The following RBFOX1 variants were observed in gnomAD, a reference collection of about 807,000 sequenced individuals.
The protein encoded by RBFOX1 is RNA binding protein fox-1 homolog 1.
A neutral mutation model predicts 57.7 loss-of-function variants in RBFOX1; 8 were observed. The ratio of observed to expected loss-of-function variants is 0.14; its 90% confidence interval spans 0.08 to 0.25. The LOEUF (loss-of-function observed/expected upper bound fraction) is 0.25, where lower values mean the gene tolerates loss of function less well. Ranked by LOEUF, RBFOX1 falls within the 10% of genes least tolerant of loss-of-function variation. The probability of loss-of-function intolerance (pLI) is 1.00; values close to 1 mark genes in which losing one functional copy is unlikely to be tolerated. For synonymous variants in RBFOX1, 326 were observed against 222.4 expected, an observed-to-expected ratio of 1.47 and a Z score of -4.15; for missense variants, 611 against 548.5, an observed-to-expected ratio of 1.11 and a Z score of -1.14.
At chr16:6,961,120 G>A (rs569911862) in intron 3 of RBFOX1, among the ~76,000 whole-genome samples, 3 of 72,894 alleles carry the variant, frequency 4.1e-5, no homozygotes, top group Non-Finnish European at 9.1e-5. Flanking sequence ...TCCAGCCTGG[G>A]CAATAGAGAC....
At chr16:6,305,881 C>T (rs1379076773) in intron 1 of RBFOX1, among the ~76,000 whole-genome samples, 1 of 151,938 alleles carries the variant, frequency 6.6e-6, no homozygotes, top group African/African-American at 2.4e-5. Context: ...CATGGTCTGT[C>T]CTCTAACTGA....
At chr16:5,916,286 C>G (rs909839591) in intron 4 of RBFOX1, among the ~76,000 whole-genome samples, 1 of 152,160 alleles carries the variant, frequency 6.6e-6, no homozygotes, top group Admixed American at 6.5e-5. Context: ...TCGGATTATT[C>G]TTAATTCCCC....
chr16:7,077,545 C>T (rs1310599998), intron 4 of RBFOX1, among the ~76,000 whole-genome samples: 1 of 152,176 alleles, frequency 6.6e-6, no homozygotes, highest in Admixed American at 6.5e-5. Flanking sequence ...TATTTGCAGC[C>T]TGTCATCATA....
At chr16:5,917,038 G>C (rs760224920) in intron 4 of RBFOX1, among the ~76,000 whole-genome samples, 1 of 152,134 alleles carries the variant, frequency 6.6e-6, no homozygotes, top group Non-Finnish European at 1.5e-5. Flanking sequence ...CTTCCACTGA[G>C]TCGCCCTTTC....
At chr16:7,551,120 A>G (rs962235806) in intron 5 of RBFOX1, among the ~76,000 whole-genome samples, 1 of 151,418 alleles carries the variant, frequency 6.6e-6, no homozygotes, top group Non-Finnish European at 1.5e-5. Flanking sequence ...AAAAAAGAAT[A>G]TTTACAGGAC....
intron 4 of RBFOX1, among the ~76,000 whole-genome samples, chr16:7,363,619 G>A (rs2146824767): frequency 6.6e-6 from 1 of 152,282 alleles, no homozygotes; most frequent in South Asian, 2.1e-4. Context: ...GTCATCATGA[G>A]TTCACAGAAC....
chr16:6,984,623 A>G (rs1166118076), intron 3 of RBFOX1, among the ~76,000 whole-genome samples: 2 of 152,070 alleles, frequency 1.3e-5, no homozygotes, highest in Non-Finnish European at 2.9e-5. Context: ...CAGTGAGTTT[A>G]CCACATGCCT....
intron 4 of RBFOX1, among the ~76,000 whole-genome samples, chr16:7,443,096 C>G (rs2098781847): frequency 6.6e-6 from 1 of 152,210 alleles, no homozygotes; most frequent in Non-Finnish European, 1.5e-5. Flanking sequence ...CGAGAACACT[C>G]TTACCAAGGA....
chr16:5,686,874 G>T (rs1052668869), intron 3 of RBFOX1, among the ~76,000 whole-genome samples: 1 of 152,172 alleles, frequency 6.6e-6, no homozygotes, highest in Non-Finnish European at 1.5e-5. Flanking sequence ...AATAACTACT[G>T]TTGAAAAAGG....
intron 1 of RBFOX1, among the ~76,000 whole-genome samples, chr16:6,041,140 G>T (rs2095432255): frequency 6.6e-6 from 1 of 152,060 alleles, no homozygotes; most frequent in Non-Finnish European, 1.5e-5. Flanking sequence ...CAGGTTCCTG[G>T]CAACCACTCA....
chr16:7,655,778 C>T lies in RBFOX1; in HGVS notation c.890+1831C>T, dbSNP rs972618772. ...TTTAGTATATCTACCATCAGTATCTCACTACTATATTGAAGAGCAAAAGAA... is the reference window on the plus strand; with the variant it reads ...TTTAGTATATCTACCATCAGTATCTTACTACTATATTGAAGAGCAAAAGAA... On this transcript the variant is annotated intron_variant, in intron 12 of 15. Transcript: ENST00000550418. Among the ~76,000 whole-genome samples the T allele has an allele frequency of 4.6e-5, 7 of 152,124 alleles. No individual in the cohort carries two copies. The South Asian group carries it at 1.5e-3, about 32-fold the overall frequency.
intron 3 of RBFOX1, among the ~76,000 whole-genome samples, chr16:5,742,660 A>G (rs1224344714): frequency 6.6e-6 from 1 of 152,252 alleles, no homozygotes; most frequent in East Asian, 1.9e-4. Flanking sequence ...ACTAGGCATA[A>G]CAGAGTACTG....
intron 1 of RBFOX1, among the ~76,000 whole-genome samples, chr16:6,196,252 G>C (rs1159259645): frequency 2.6e-5 from 4 of 152,154 alleles, no homozygotes; most frequent in African/African-American, 9.7e-5. Context: ...GGATTCCTAA[G>C]CTCGTGCTTT....
chr16:5,943,916 C>G (rs2059333401), intron 4 of RBFOX1, among the ~76,000 whole-genome samples: 1 of 151,810 alleles, frequency 6.6e-6, no homozygotes, highest in Non-Finnish European at 1.5e-5. Flanking sequence ...CATCCATCCA[C>G]TCCTCCTCTG....
chr16:7,265,490 C>A lies in RBFOX1; in HGVS notation c.27+213392C>A, dbSNP rs145597375. ...TTTAGATGTAGTCTTGCTCTGTCAC[C>A]CAGGCTGGAGTGCAGTGGCACGATC... On this transcript the variant is annotated intron_variant, in intron 4 of 15. Transcript: ENST00000550418. 2.9e-3 allele frequency among the ~76,000 whole-genome samples: 445 copies of A among 151,828 alleles called. 4 individuals are homozygous for A. The highest frequency in any genetic ancestry group is 0.024 in the East Asian group (125 of 5,164).
chr16:7,583,794 A>C (rs1347384897), intron 6 of RBFOX1, among the ~76,000 whole-genome samples: 1 of 152,016 alleles, frequency 6.6e-6, no homozygotes, highest in African/African-American at 2.4e-5. Context: ...CAGCCTGCGC[A>C]ACATAGGGAG....
At position 7,197,742 on chromosome 16, in the gene RBFOX1, C is replaced by T. The variant is rs570567202; in HGVS notation, c.27+145644C>T. On this transcript the variant is annotated intron_variant, in intron 4 of 15. Coordinates refer to ENST00000550418, the MANE Select transcript of RBFOX1 (RefSeq NM_018723.4). ...ATCCCTGTAGTAGAACGTTATTCAA[C>T]AGTAAAAATAAGTGGAGTACTGATA... Among the ~76,000 whole-genome samples the T allele has an allele frequency of 4.6e-5, 7 of 152,196 alleles. No individual in the cohort carries two copies. In the East Asian group the frequency reaches 7.7e-4, roughly 17 times the overall value.
At chr16:7,207,781 A>T (rs1163739213) in intron 4 of RBFOX1, among the ~76,000 whole-genome samples, 1 of 152,348 alleles carries the variant, frequency 6.6e-6, no homozygotes, top group East Asian at 1.9e-4. Flanking sequence ...CAGTTCATGT[A>T]GCTTCTCCTA....
At chr16:7,663,282 C>T (rs1005297716) in intron 12 of RBFOX1, among the ~76,000 whole-genome samples, 1 of 152,198 alleles carries the variant, frequency 6.6e-6, no homozygotes, top group Non-Finnish European at 1.5e-5. Context: ...GGGCTTTATG[C>T]CACTTCACAA....
Sources: allele counts gnomAD v4.1 joint callset (sites outside exome capture counted in the v4.1 genomes callset), GRCh38; gene constraint gnomAD v4.1.1; transcripts MANE v1.5; gene names NCBI Gene and HGNC (gene_info 2026-07-23, HGNC 2026-07-21).